Variants in MCUR1 observed in about 807,000 individuals in gnomAD.
MCUR1 encodes mitochondrial calcium uniporter regulator 1, also known as MCU regulator 1.
A neutral mutation model predicts 42.0 loss-of-function variants in MCUR1; 37 were observed. The observed-to-expected ratio is 0.88, with a 90% CI of 0.68 to 1.16. The LOEUF is 1.16. Ranked by LOEUF, MCUR1 falls within the 50% of genes most tolerant of loss-of-function variation. The pLI is 0.00. For missense variants in MCUR1, 469 were observed against 468.4 expected (o/e 1.00, Z -0.01); for synonymous variants, 229 against 196.2 (o/e 1.17, Z -1.40).
In MCUR1 at chr6:13,794,035, C is replaced by T. The variant is rs1185348210; in HGVS notation, c.856-88G>A. 2.5e-6 allele frequency: 3 copies of T among 1,189,608 alleles called. No individual in the cohort carries two copies. In the African/African-American group the frequency reaches 4.5e-5, roughly 18 times the overall value. The allele number at this position is 1,189,608 out of a possible 1,614,324, so 73.7% of individuals were successfully genotyped here. A position where few individuals can be genotyped will look rare whatever the true frequency, so the allele number is the denominator to read the frequency against. On this transcript the variant is annotated intron_variant, in intron 6 of 8. Coordinates refer to ENST00000379170, the MANE Select transcript of MCUR1 (RefSeq NM_001031713.4). ...TGCCTTAAATATTCTGGTCTCAGTA[C>T]CTCCTAGAATACGTAACACCAGAAA...
At chr6:13,792,306 A>G (rs979131854) in intron 7 of MCUR1, among the ~76,000 whole-genome samples, 8 of 152,200 alleles carry the variant, frequency 5.3e-5, no homozygotes, top group African/African-American at 1.9e-4. Flanking sequence ...AAGCATTTGT[A>G]AGCTCTAGGT....
rs1759645686 is a variant in MCUR1 at position 13,788,253 on chromosome 6, T to C, written c.*2556A>G. ...GCCAGAAGTGGGAAGGGTACACTTGTATTTTGGGCTCAAATGGTTTTCAAA... is the reference window on the plus strand; with the variant it reads ...GCCAGAAGTGGGAAGGGTACACTTGCATTTTGGGCTCAAATGGTTTTCAAA... On this transcript the variant is annotated 3_prime_UTR_variant, in exon 9 of 9. Coordinates refer to ENST00000379170, the MANE Select transcript of MCUR1 (RefSeq NM_001031713.4). 6.6e-6 allele frequency: 1 copy of C among 152,196 alleles called. No homozygotes were observed. Among genetic ancestry groups the C allele is most frequent in the Non-Finnish European group, 1.5e-5 (1 of 68,034 alleles). The allele number at this position is 152,196 out of a possible 1,614,324, so 9.4% of individuals were successfully genotyped here.
At chr6:13,791,036 T>A (rs1759719565) in intron 8 of MCUR1, among the ~76,000 whole-genome samples, 172 bp from the exon 9 acceptor site, 1 of 152,158 alleles carries the variant, frequency 6.6e-6, no homozygotes, top group South Asian at 2.1e-4. Flanking sequence ...ACACCCTTTA[T>A]TTTATTTTCT....
chr6:13,791,885 A>G lies in MCUR1; in HGVS notation c.1017T>C (p.Tyr339=). Residue 339 remains tyrosine, a synonymous_variant, in exon 8 of 9, where the codon TAT becomes TAC. Coordinates refer to ENST00000379170, the MANE Select transcript of MCUR1 (RefSeq NM_001031713.4). Reference sequence around the variant, plus strand: ...AGATACAAAATAGCTTACCTGCTAAATATTTAATATTATCAAGCTTGTGTG... The same window carrying G: ...AGATACAAAATAGCTTACCTGCTAAGTATTTAATATTATCAAGCTTGTGTG... ...LESHKLDNIK[Y]LAGSIFTCLT... is the part of the protein sequence containing the mutation. The G allele has an allele frequency of 6.8e-6, 11 of 1,609,172 alleles. No individual in the cohort carries two copies. Among genetic ancestry groups the G allele is most frequent in the Non-Finnish European group, 9.4e-6 (11 of 1,176,294 alleles).
In MCUR1 at chr6:13,810,905, C is replaced by T. The variant is rs140304824; in HGVS notation, c.415+3110G>A. Among the ~76,000 whole-genome samples the T allele has an allele frequency of 2.7e-3, 404 of 152,344 alleles. 1 individual carries two copies. Among genetic ancestry groups the T allele is most frequent in the African/African-American group, 9.3e-3 (385 of 41,582 alleles). On this transcript the variant is annotated intron_variant, in intron 1 of 8. Transcript: ENST00000379170. ...CTATGACAGGAGGTCCTTGACCTGG[C>T]ATACAAAGCCCTTGCTATTTATGAC...
rs767442278 is a variant in MCUR1, at chr6:13,801,296, C to T, written c.733G>A (p.Glu245Lys). Reference sequence around the variant, plus strand: ...GAGAGGCTCTGTTTTACCTCATTTTCTGCTCTGAGGGCTGAAAATTCACTC... The same window carrying T: ...GAGAGGCTCTGTTTTACCTCATTTTTTGCTCTGAGGGCTGAAAATTCACTC... ...EKSEFSALRA[E>K]NEKIKLELHQ... Residue 245 changes from glutamate (E) to lysine (K), a missense_variant, in exon 4 of 9, where the codon GAA becomes AAA. Glu to Lys is a moderately conservative substitution (Grantham distance 56). Coordinates refer to ENST00000379170, the MANE Select transcript of MCUR1 (RefSeq NM_001031713.4). The T allele has an allele frequency of 1.9e-6, 3 of 1,609,042 alleles. No homozygotes were observed. Among genetic ancestry groups the T allele is most frequent in the Non-Finnish European group, 2.5e-6 (3 of 1,176,494 alleles).
intron 5 of MCUR1, among the ~76,000 whole-genome samples, chr6:13,800,103 T>C (rs375413702): frequency 1.4e-3 from 217 of 152,258 alleles, no homozygotes; most frequent in African/African-American, 4.9e-3. Context: ...AGTGCTGGGA[T>C]TACAGGCATG....
chr6:13,812,687 C>T (rs533069633), intron 1 of MCUR1, among the ~76,000 whole-genome samples: 2 of 152,216 alleles, frequency 1.3e-5, no homozygotes, highest in East Asian at 1.9e-4. Context: ...TTTACCCCAG[C>T]CAATGATATT....
At chr6:13,803,745 G>C in intron 2 of MCUR1, 1 of 984,706 alleles carries the variant, frequency 1.0e-6, no homozygotes, top group South Asian at 4.7e-5. Context: ...TGTTAACATT[G>C]TTTAGCTCTG....
Position 13,799,827 on chromosome 6 carries a change from C to CTTTTTTTTTTTTTTTTTTTTTTT in MCUR1, c.783+491_783+513dup, listed in dbSNP as rs542304036. 2.1e-5 allele frequency among the ~76,000 whole-genome samples: 2 copies of CTTTTTTTTTTTTTTTTTTTTTTT among 96,212 alleles called. 1 individual carries two copies. The highest frequency in any genetic ancestry group is 7.4e-5 in the African/African-American group (2 of 26,994). 63.1% of individuals were successfully genotyped at this position (96,212 alleles called of 152,430 possible). A position where few individuals can be genotyped will look rare whatever the true frequency, so the allele number is the denominator to read the frequency against. ...TTAATTCCTCCTAGAACACAATTTT[C>CTTTTTTTTTTTTTTTTTTTTTTT]TTTTTTTTTTTTTTTTTTTTTTTGA... is the stretch of plus-strand genomic sequence containing the variant. On this transcript the variant is annotated intron_variant, in intron 5 of 8. Coordinates refer to ENST00000379170, the MANE Select transcript of MCUR1 (RefSeq NM_001031713.4).
chr6:13,805,718 C>T lies in MCUR1; in HGVS notation c.535+1207G>A, dbSNP rs1760099262. ...ATGTACAACTGGACAAATAACTACA[C>T]AATGAAGTAAAAGCACAGGCAAATT... is the stretch of plus-strand genomic sequence containing the variant. On this transcript the variant is annotated intron_variant, in intron 2 of 8. Transcript: ENST00000379170. Among the ~76,000 whole-genome samples the T allele has an allele frequency of 2.0e-5, 3 of 152,148 alleles. No homozygotes were observed. The South Asian group carries it at 6.2e-4, about 31-fold the overall frequency.
chr6:13,799,893 G>T (rs776004635), intron 5 of MCUR1, among the ~76,000 whole-genome samples: 2 of 141,034 alleles, frequency 1.4e-5, no homozygotes, highest in Non-Finnish European at 3.0e-5. Context: ...GTGCAATGGC[G>T]CAATCTCGGC....
chr6:13,801,843 A>C (rs1759997855), intron 3 of MCUR1, among the ~76,000 whole-genome samples: 1 of 152,116 alleles, frequency 6.6e-6, no homozygotes, highest in Non-Finnish European at 1.5e-5. Context: ...AATGAGTGAT[A>C]CCCTGTCTCA....
chr6:13,806,207 G>A (rs554497771), intron 2 of MCUR1, among the ~76,000 whole-genome samples: 2 of 152,044 alleles, frequency 1.3e-5, no homozygotes, highest in South Asian at 2.1e-4. Context: ...AGCCGAGATC[G>A]CGCCATTGCA....
chr6:13,794,760 C>T (rs1308522663), intron 6 of MCUR1, among the ~76,000 whole-genome samples: 1 of 151,520 alleles, frequency 6.6e-6, no homozygotes, highest in Non-Finnish European at 1.5e-5. Flanking sequence ...AAGCAATTCT[C>T]CTGCCTTAGC....
Position 13,798,924 on chromosome 6 carries a change from C to A in MCUR1, c.784-20G>T. ...TTCATCCTAAAAGGAGGGCAAACAA[C>A]AAAGAAGGAAAAATCCAAAGTAAGA... is the stretch of plus-strand genomic sequence containing the variant. On this transcript the variant is annotated intron_variant, in intron 5 of 8. Transcript: ENST00000379170. 1 of 1,436,248 alleles carries A rather than the reference C, an allele frequency of 7.0e-7. No homozygotes were observed. Among genetic ancestry groups the A allele is most frequent in the Non-Finnish European group, 9.8e-7 (1 of 1,020,252 alleles). 89.0% of individuals were successfully genotyped at this position (1,436,248 alleles called of 1,614,324 possible).
chr6:13,809,143 G>A (rs1016265190), intron 1 of MCUR1, among the ~76,000 whole-genome samples: 1 of 152,142 alleles, frequency 6.6e-6, no homozygotes, highest in African/African-American at 2.4e-5. Context: ...ATTTCTACAA[G>A]AAAACCACTT....
chr6:13,796,482 C>CA (rs1404260645), intron 6 of MCUR1, among the ~76,000 whole-genome samples: 1 of 152,032 alleles, frequency 6.6e-6, no homozygotes, highest in Non-Finnish European at 1.5e-5. Flanking sequence ...GACAGGGTTT[C>CA]ACCACGTTGG....
At position 13,788,869 on chromosome 6, in the gene MCUR1, C is replaced by T. The variant is rs1490955350; in HGVS notation, c.*1940G>A. The T allele has an allele frequency of 6.6e-6, 1 of 152,228 alleles. No individual in the cohort carries two copies. Among genetic ancestry groups the T allele is most frequent in the African/African-American group, 2.4e-5 (1 of 41,444 alleles). 9.4% of individuals were successfully genotyped at this position (152,228 alleles called of 1,614,324 possible). On this transcript the variant is annotated 3_prime_UTR_variant, in exon 9 of 9. Transcript: ENST00000379170. ...TGGAGCTCACAATCTTTGGACTACA[C>T]AAACATTCTCTAAAAGGGCAATGAC...
Sources: gnomAD v4.1 joint callset for allele counts (sites outside exome capture counted in the v4.1 genomes callset) on GRCh38, gnomAD v4.1.1 for gene constraint, MANE v1.5 for transcripts, NCBI Gene and HGNC (gene_info 2026-07-23, HGNC 2026-07-21) for gene names.